CPXM2: variants seen among roughly 807,000 people sequenced by gnomAD.
CPXM2 encodes inactive carboxypeptidase-like protein X2.
A neutral mutation model predicts 86.1 loss-of-function variants in CPXM2; 66 were observed. The ratio of observed to expected loss-of-function variants is 0.77; its 90% CI spans 0.63 to 0.94. The LOEUF is 0.94. Ranked by LOEUF, CPXM2 falls within the 40% of genes least tolerant of loss-of-function variation. The probability of loss-of-function intolerance (pLI) is 0.00; values close to 1 mark genes in which losing one functional copy is unlikely to be tolerated. For synonymous variants in CPXM2, 388 were observed against 400.2 expected (o/e 0.97, Z 0.36); for missense variants, 948 against 1,026.3 (o/e 0.92, Z 1.04).
chr10:123,828,999 T>C (rs1848104893), intron 4 of CPXM2, among the ~76,000 whole-genome samples: 1 of 152,122 alleles, frequency 6.6e-6, no homozygotes, highest in Non-Finnish European at 1.5e-5. Flanking sequence ...ATCAAAAATC[T>C]GCTAGATGAA....
chr10:123,918,035 G>A (rs1945548508), intron 2 of CPXM2, among the ~76,000 whole-genome samples: 2 of 152,186 alleles, frequency 1.3e-5, no homozygotes, highest in African/African-American at 4.8e-5. Context: ...CTCCTGAGGA[G>A]TTAATGACAA....
intron 4 of CPXM2, among the ~76,000 whole-genome samples, chr10:123,803,349 T>C (rs1412840756): frequency 6.6e-6 from 1 of 151,950 alleles, no homozygotes; most frequent in African/African-American, 2.4e-5. Context: ...TGGGCTCAAG[T>C]GATCTACCCA....
chr10:123,867,597 G>C (rs1044087593), intron 2 of CPXM2, among the ~76,000 whole-genome samples: 1 of 143,130 alleles, frequency 7.0e-6, no homozygotes, highest in African/African-American at 2.6e-5. Flanking sequence ...GCAATGGTGC[G>C]ATTTTGCTCA....
Position 123,760,683 on chromosome 10 carries a change from A to G in CPXM2, c.1777+1189T>C, listed in dbSNP as rs116185969. On this transcript the variant is annotated intron_variant, in intron 11 of 13. Coordinates refer to ENST00000241305, the MANE Select transcript of CPXM2 (RefSeq NM_198148.3). Reference sequence around the variant, plus strand: ...CAGAGGGGAGTCCGCAGGGGATGGGAACTTATCACGACTGTTTCTGTGAGC... The same window carrying G: ...CAGAGGGGAGTCCGCAGGGGATGGGGACTTATCACGACTGTTTCTGTGAGC... Among the ~76,000 whole-genome samples the G allele has an allele frequency of 4.7e-3, 720 of 152,224 alleles. 6 individuals carry two copies. The highest frequency in any genetic ancestry group is 0.015 in the African/African-American group (620 of 41,520).
At chr10:123,905,568 G>A (rs763262521) in intron 2 of CPXM2, among the ~76,000 whole-genome samples, 2 of 152,148 alleles carry the variant, frequency 1.3e-5, no homozygotes, top group South Asian at 2.1e-4. Context: ...GCCAATGACC[G>A]AGGGATGGCC....
chr10:123,791,044 C>A (rs1030777681), intron 6 of CPXM2, among the ~76,000 whole-genome samples: 1 of 152,134 alleles, frequency 6.6e-6, no homozygotes, highest in African/African-American at 2.4e-5. Context: ...AGGACAGTCA[C>A]GAGTGTGTGC....
chr10:123,930,894 C>T (rs1407896648), intron 2 of CPXM2, among the ~76,000 whole-genome samples: 3 of 152,148 alleles, frequency 2.0e-5, no homozygotes, highest in Non-Finnish European at 4.4e-5. Flanking sequence ...CAGAGCTTGG[C>T]AAGGAGAAAT....
intron 2 of CPXM2, among the ~76,000 whole-genome samples, chr10:123,910,524 G>A (rs28570094): frequency 0.5 from 75,260 of 151,568 alleles, 18,895 homozygotes; most frequent in Middle Eastern, 0.58. Context: ...TTCACTTCCC[G>A]TCAGCAAGGG....
chr10:123,751,770 T>C, intron 13 of CPXM2: 4 of 985,444 alleles, frequency 4.1e-6, no homozygotes, highest in Non-Finnish European at 4.8e-6. Flanking sequence ...AGAGCTTTTC[T>C]TGAGAACCGA....
chr10:123,836,039 T>C (rs749247679), intron 4 of CPXM2, among the ~76,000 whole-genome samples: 1 of 152,132 alleles, frequency 6.6e-6, no homozygotes, highest in Non-Finnish European at 1.5e-5. Flanking sequence ...CTCACCTTCC[T>C]TTCCGCTTCT....
At chr10:123,910,820 A>G (rs1275687634) in intron 2 of CPXM2, among the ~76,000 whole-genome samples, 1 of 151,076 alleles carries the variant, frequency 6.6e-6, no homozygotes, top group African/African-American at 2.4e-5. Flanking sequence ...CCACAGAGCC[A>G]CACTCCCTCC....
chr10:123,864,969 T>A (rs1276722726), intron 2 of CPXM2, among the ~76,000 whole-genome samples: 1 of 152,216 alleles, frequency 6.6e-6, no homozygotes, highest in Non-Finnish European at 1.5e-5. Flanking sequence ...TAATAGCAAC[T>A]GAAAAGTGCA....
chr10:123,787,347 A>G (rs1419051330), intron 6 of CPXM2, among the ~76,000 whole-genome samples: 2 of 151,120 alleles, frequency 1.3e-5, no homozygotes, highest in Non-Finnish European at 2.9e-5. Flanking sequence ...ACAGCTCAGG[A>G]CTCCTGAGCC....
chr10:123,777,553 C>G (rs1253473476), intron 7 of CPXM2: 1 of 152,744 alleles, frequency 6.5e-6, no homozygotes, highest in East Asian at 1.9e-4. Flanking sequence ...ACCTCCCAGA[C>G]CCCTGCATCA....
intron 2 of CPXM2, among the ~76,000 whole-genome samples, chr10:123,900,760 A>G (rs1996433): frequency 0.98 from 148,762 of 152,376 alleles, 72,670 homozygotes; most frequent in East Asian, 1. Context: ...GTTTAGCTGA[A>G]AAGCATTTTT....
intron 4 of CPXM2, among the ~76,000 whole-genome samples, chr10:123,823,048 A>G (rs936980153): frequency 4.6e-5 from 7 of 152,192 alleles, no homozygotes; most frequent in African/African-American, 1.7e-4. Context: ...AGCTGTTAAA[A>G]ATTCTTGGGG....
Position 123,754,596 on chromosome 10 carries a change from C to A in CPXM2, c.2017+67G>T. 1.2e-6 allele frequency: 1 copy of A among 850,190 alleles called. No homozygotes were observed. The highest frequency in any genetic ancestry group is 1.4e-5 in the South Asian group (1 of 71,226). 52.7% of individuals were successfully genotyped at this position (850,190 alleles called of 1,614,324 possible). A position where few individuals can be genotyped will look rare whatever the true frequency, so the allele number is the denominator to read the frequency against. ...CTGGCAGTCATTTCATGATTGTAAC[C>A]CAAGTAAAATGCCTAAAAAAATGGG... is the stretch of plus-strand genomic sequence containing the variant. On this transcript the variant is annotated intron_variant, in intron 13 of 13. Coordinates refer to ENST00000241305, the MANE Select transcript of CPXM2 (RefSeq NM_198148.3). This position sits in a 1 kb window ranked among gnomAD's most constrained non-coding sequence, Gnocchi z 4.0.
At chr10:123,808,254 G>A (rs529728234) in intron 4 of CPXM2, among the ~76,000 whole-genome samples, 2 of 152,166 alleles carry the variant, frequency 1.3e-5, no homozygotes, top group East Asian at 1.9e-4. Context: ...TGCTTATAGA[G>A]CCTTCTACTA....
At chr10:123,856,480 G>T (rs1204391151) in intron 3 of CPXM2, among the ~76,000 whole-genome samples, 1 of 152,168 alleles carries the variant, frequency 6.6e-6, no homozygotes, top group African/African-American at 2.4e-5. Context: ...GATTCTTTGG[G>T]GTGGGGCAGG....
Sources: gnomAD v4.1 joint callset for allele counts (sites outside exome capture counted in the v4.1 genomes callset) on GRCh38, gnomAD v4.1.1 for gene constraint, Gnocchi (gnomAD v3.1) non-coding constraint, MANE v1.5 for transcripts, NCBI Gene and HGNC (gene_info 2026-07-23, HGNC 2026-07-21) for gene names.